PLSCR2: variants seen among roughly 807,000 people sequenced by gnomAD.
The protein encoded by PLSCR2 is phospholipid scramblase 2.
A neutral mutation model predicts 25.3 loss-of-function variants in PLSCR2; 18 were observed. That is an observed-to-expected ratio of 0.71 (90% CI 0.49 to 1.06). PLSCR2 has a LOEUF of 1.06. PLSCR2 is among the 50% of genes least tolerant of loss of function. PLSCR2 has a pLI of 0.00. For missense variants in PLSCR2, 243 were observed against 269.5 expected, an observed-to-expected ratio of 0.90 and a Z score of 0.69; for synonymous variants, 88 against 87.3, an observed-to-expected ratio of 1.01 and a Z score of -0.04.
upstream of PLSCR2, among the ~76,000 whole-genome samples, chr3:146,464,740 T>C (rs2041784007): frequency 1.3e-5 from 2 of 152,204 alleles, no homozygotes; most frequent in Admixed American, 1.3e-4. Flanking sequence ...GCATATACTA[T>C]ATACACATTA....
At chr3:146,399,983 C>T (rs7650361) in intron 2 of PLSCR2, among the ~76,000 whole-genome samples, 78,847 of 151,448 alleles carry the variant, frequency 0.52, 20,844 homozygotes, top group South Asian at 0.71. Flanking sequence ...CAAAACGAAA[C>T]AAAACCACTG....
intron 2 of PLSCR2, among the ~76,000 whole-genome samples, chr3:146,404,045 C>G (rs2038568225): frequency 6.6e-6 from 1 of 152,086 alleles, no homozygotes; most frequent in South Asian, 2.1e-4. Context: ...TCTCTTTAAA[C>G]TAGTCAATTG....
At chr3:146,394,929 G>A (rs1229617139) in intron 3 of PLSCR2, among the ~76,000 whole-genome samples, 1 of 152,180 alleles carries the variant, frequency 6.6e-6, no homozygotes, top group Non-Finnish European at 1.5e-5. Flanking sequence ...CATGTCCCGT[G>A]CTTGTACTCA....
At chr3:146,423,659 G>T (rs1019541030) in intron 2 of PLSCR2, among the ~76,000 whole-genome samples, 2 of 151,900 alleles carry the variant, frequency 1.3e-5, no homozygotes, top group Non-Finnish European at 2.9e-5. Context: ...CCTTAAAATA[G>T]GTAGATTATC....
At chr3:146,485,346 TA>T (rs2043302842) in intron 1 of PLSCR2, among the ~76,000 whole-genome samples, 3 of 152,042 alleles carry the variant, frequency 2.0e-5, no homozygotes. Flanking sequence ...CACATAATAA[TA>T]GTGGGAGACT....
intron 6 of PLSCR2, 104 bp from the exon 7 acceptor site, chr3:146,441,925 A>G: frequency 1.5e-6 from 1 of 680,164 alleles, no homozygotes; most frequent in Non-Finnish European, 2.5e-6. Flanking sequence ...TGTCTGTTAA[A>G]TAAGAAAAAT....
At chr3:146,401,459 G>T (rs952312418) in intron 2 of PLSCR2, 1 of 152,398 alleles carries the variant, frequency 6.6e-6, no homozygotes, top group Non-Finnish European at 1.5e-5. Flanking sequence ...ATCCACAAAG[G>T]TGTCGAAGGA....
intron 1 of PLSCR2, among the ~76,000 whole-genome samples, chr3:146,472,709 G>GTGATT (rs2042159862): frequency 6.6e-6 from 1 of 152,100 alleles, no homozygotes; most frequent in Non-Finnish European, 1.5e-5. Context: ...TGTCACATTG[G>GTGATT]TGATTAGGCT....
chr3:146,489,075 C>A (rs2043450995), intron 1 of PLSCR2, among the ~76,000 whole-genome samples: 1 of 152,084 alleles, frequency 6.6e-6, no homozygotes, highest in Non-Finnish European at 1.5e-5. Context: ...AGCAGAAAAC[C>A]TAACACAGCT....
At chr3:146,452,905 CCA>C (rs1268787009) in intron 5 of PLSCR2, among the ~76,000 whole-genome samples, 1 of 151,780 alleles carries the variant, frequency 6.6e-6, no homozygotes, top group East Asian at 1.9e-4. Flanking sequence ...CCATATATAC[CCA>C]CACACATGTG....
intron 3 of PLSCR2, among the ~76,000 whole-genome samples, chr3:146,395,305 AT>A (rs1559965426): frequency 6.6e-6 from 1 of 152,226 alleles, no homozygotes; most frequent in African/African-American, 2.4e-5. Context: ...ACAAAAGTAT[AT>A]AAGTTGTGAG....
intron 2 of PLSCR2, among the ~76,000 whole-genome samples, chr3:146,402,748 A>G (rs2038522001): frequency 6.6e-6 from 1 of 152,144 alleles, no homozygotes; most frequent in Non-Finnish European, 1.5e-5. Flanking sequence ...GATTGCAGGC[A>G]TGAGCCACCG....
At chr3:146,488,305 A>C (rs752534195) in intron 1 of PLSCR2, among the ~76,000 whole-genome samples, 1 of 152,170 alleles carries the variant, frequency 6.6e-6, no homozygotes, top group Non-Finnish European at 1.5e-5. Context: ...AAGCAATTGC[A>C]ACAAAAGTAA....
intron 5 of PLSCR2, among the ~76,000 whole-genome samples, chr3:146,451,472 A>C (rs1171492120): frequency 8.8e-6 from 1 of 113,134 alleles, no homozygotes; most frequent in African/African-American, 2.7e-5. Flanking sequence ...TAACTTTCTA[A>C]GTGATAGGGG....
At chr3:146,430,101 T>C (rs1198922026), downstream of PLSCR2, among the ~76,000 whole-genome samples, 1 of 152,058 alleles carries the variant, frequency 6.6e-6, no homozygotes, top group Non-Finnish European at 1.5e-5. Context: ...AGCATAGCCA[T>C]GTAGAAAGAA....
chr3:146,483,788 C>T (rs1474338528), intron 1 of PLSCR2, among the ~76,000 whole-genome samples: 4 of 151,654 alleles, frequency 2.6e-5, no homozygotes, highest in African/African-American at 9.7e-5. Context: ...TAAAGGTCAG[C>T]AGCCTCAAAG....
chr3:146,409,314 G>A (rs895879696), intron 2 of PLSCR2, among the ~76,000 whole-genome samples: 2 of 152,116 alleles, frequency 1.3e-5, no homozygotes, highest in African/African-American at 2.4e-5. Context: ...TAAGGGAACA[G>A]GCTGGTTGTA....
chr3:146,457,078 C>CA (rs2041261284), intron 3 of PLSCR2, among the ~76,000 whole-genome samples: 1 of 151,884 alleles, frequency 6.6e-6, no homozygotes. Context: ...AGCCAAACTA[C>CA]AAAAAACCGA....
intron 2 of PLSCR2, among the ~76,000 whole-genome samples, chr3:146,399,988 C>A (rs2038410052): frequency 6.6e-6 from 1 of 151,746 alleles, no homozygotes; most frequent in Admixed American, 6.6e-5. Flanking sequence ...CGAAACAAAA[C>A]CACTGTCAAA....
Sources: gnomAD v4.1 joint callset for allele counts (sites outside exome capture counted in the v4.1 genomes callset) on GRCh38, gnomAD v4.1.1 for gene constraint, MANE v1.5 for transcripts, NCBI Gene and HGNC (gene_info 2026-07-23, HGNC 2026-07-21) for gene names.